OR1L4: variants seen among roughly 807,000 people sequenced by gnomAD.
OR1L4 encodes olfactory receptor 1L4.
In OR1L4, 4 loss-of-function variants were observed where a neutral mutation model predicts 3.5. The ratio of observed to expected loss-of-function variants is 1.15; its 90% CI spans 0.57 to 2.63. The LOEUF (loss-of-function observed/expected upper bound fraction) is 2.63, where lower values mean the gene tolerates loss of function less well. OR1L4 is among the 30% of genes most tolerant of loss of function. The pLI is 0.02. For missense variants in OR1L4, 291 were observed against 378.5 expected (o/e 0.77, Z 1.92); for synonymous variants, 123 against 149.1 (o/e 0.83, Z 1.27).
chr9:122,724,184 C>G lies in OR1L4; in HGVS notation c.195C>G (p.Ser65Arg), dbSNP rs148987153. The G allele has an allele frequency of 6.2e-7, 1 of 1,614,070 alleles. No individual in the cohort carries two copies. The highest frequency in any genetic ancestry group is 1.3e-5 in the African/African-American group (1 of 74,912). ...ACACCCCTATGTACTTTTTTCTCAG[C>G]AACTTGTCTTTCATGGATATCTGCT... The part of the protein sequence containing the change: ...RLHTPMYFFL[S>R]NLSFMDICFT... The change falls in exon 1 of 1, where the codon AGC (serine) becomes AGG (arginine). Residue 65 changes from serine to arginine, a missense_variant. Physicochemically the swap from Ser to Arg is moderately radical, Grantham distance 110. Coordinates refer to ENST00000259466, the MANE Select transcript of OR1L4 (RefSeq NM_001005235.1).
rs540455846 is a variant in OR1L4 at position 122,724,190 on chromosome 9, G to T, written c.201G>T (p.Leu67Phe). ...CTATGTACTTTTTTCTCAGCAACTT[G>T]TCTTTCATGGATATCTGCTTCACAA... Reference protein sequence around the residue: ...HTPMYFFLSNLSFMDICFTTV... With the variant: ...HTPMYFFLSNFSFMDICFTTV... Residue 67 changes from leucine (L) to phenylalanine (F), a missense_variant, in exon 1 of 1, where the codon TTG (leucine) becomes TTT (phenylalanine). Coordinates refer to ENST00000259466, the MANE Select transcript of OR1L4 (RefSeq NM_001005235.1). 13 of 1,614,142 alleles carry T rather than the reference G, an allele frequency of 8.1e-6. No homozygotes were observed. The African/African-American group carries it at 1.5e-4, about 18-fold the overall frequency.
At position 122,724,160 on chromosome 9, in the gene OR1L4, C is replaced by T. The variant is rs759881726; in HGVS notation, c.171C>T (p.His57=). ...CCATCTACTCTGACCCCAGGCTCCA[C>T]ACCCCTATGTACTTTTTTCTCAGCA... The part of the protein sequence containing the change: ...ILAIYSDPRL[H]TPMYFFLSNL... The change falls in exon 1 of 1, where the codon CAC becomes CAT. Residue 57 remains histidine, a synonymous_variant. Coordinates refer to ENST00000259466, the MANE Select transcript of OR1L4 (RefSeq NM_001005235.1). 8.1e-6 allele frequency: 13 copies of T among 1,614,072 alleles called. No individual in the cohort carries two copies. Among genetic ancestry groups the T allele is most frequent in the East Asian group, 2.2e-5 (1 of 44,908 alleles).
Position 122,724,791 on chromosome 9 carries a change from T to C in OR1L4, c.802T>C (p.Ser268Pro), listed in dbSNP as rs752674517. Reference sequence around the variant, plus strand: ...CTATTTTAGGCCTCTGTCCATGTACTCAGTGATGAAGGGCCGGGTAGCCAC... The same window carrying C: ...CTATTTTAGGCCTCTGTCCATGTACCCAGTGATGAAGGGCCGGGTAGCCAC... ...YVYFRPLSMY[S>P]VMKGRVATVM... is the part of the protein sequence containing the mutation. The change falls in exon 1 of 1, where the codon TCA (serine) becomes CCA (proline). Residue 268 changes from serine to proline, a missense_variant. Transcript: ENST00000259466. The C allele has an allele frequency of 1.9e-6, 3 of 1,614,120 alleles. No individual in the cohort carries two copies. Among genetic ancestry groups the C allele is most frequent in the South Asian group, 2.2e-5 (2 of 91,084 alleles).
rs1288432953 is a variant in OR1L4 at position 122,724,712 on chromosome 9, C to T, written c.723C>T (p.Thr241=). Reference sequence around the variant, plus strand: ...CCGGGAAGTGGAAGGCCTTCTCTACCTGTGGCTCCCACCTCACTGTAGTGG... The same window carrying T: ...CCGGGAAGTGGAAGGCCTTCTCTACTTGTGGCTCCCACCTCACTGTAGTGG... ...SAAGKWKAFS[T]CGSHLTVVVL... Residue 241 remains threonine (T), a synonymous_variant, in exon 1 of 1, where the codon ACC becomes ACT. Transcript: ENST00000259466. 1.9e-6 allele frequency: 3 copies of T among 1,614,050 alleles called. No individual in the cohort carries two copies. The Admixed American group carries it at 5.0e-5, about 27-fold the overall frequency.
Position 122,724,691 on chromosome 9 carries a change from G to T in OR1L4, c.702G>T (p.Gly234=). The T allele has an allele frequency of 6.2e-7, 1 of 1,614,110 alleles. No individual in the cohort carries two copies. Among genetic ancestry groups the T allele is most frequent in the Non-Finnish European group, 8.5e-7 (1 of 1,179,954 alleles). ...TGCTCAGAATCCCCTCTGCAGCCGG[G>T]AAGTGGAAGGCCTTCTCTACCTGTG... The part of the protein sequence containing the change: ...VTVLRIPSAA[G]KWKAFSTCGS... Residue 234 remains glycine, a synonymous_variant, in exon 1 of 1, where the codon GGG becomes GGT. Transcript: ENST00000259466.
In OR1L4 at chr9:122,724,683, G is replaced by T; in HGVS notation, c.694G>T (p.Ala232Ser). The T allele has an allele frequency of 6.2e-7, 1 of 1,614,118 alleles. No homozygotes were observed. The highest frequency in any genetic ancestry group is 1.1e-5 in the South Asian group (1 of 91,090). The change falls in exon 1 of 1, where the codon GCA (alanine) becomes TCA (serine). Residue 232 changes from alanine to serine, a missense_variant. By Grantham distance (99) the Ala-to-Ser change is moderately conservative (BLOSUM62 1). Around this residue, in one of 3 missense-constraint regions of OR1L4, gnomAD observed 64 missense variants for 136.8 expected, o/e 0.47. Transcript: ENST00000259466. ...CGTCACTGTGCTCAGAATCCCCTCT[G>T]CAGCCGGGAAGTGGAAGGCCTTCTC... ...IIVTVLRIPS[A>S]AGKWKAFSTC...
rs758653186 is a variant in OR1L4, at chr9:122,724,699, A to C, written c.710A>C (p.Lys237Thr). The C allele has an allele frequency of 4.3e-6, 7 of 1,614,076 alleles. No individual in the cohort carries two copies. The highest frequency in any genetic ancestry group is 5.1e-6 in the Non-Finnish European group (6 of 1,179,930). ...LRIPSAAGKW[K>T]AFSTCGSHLT... is the part of the protein sequence containing the mutation. ...ATCCCCTCTGCAGCCGGGAAGTGGA[A>C]GGCCTTCTCTACCTGTGGCTCCCAC... is the stretch of plus-strand genomic sequence containing the variant. Residue 237 changes from lysine (K) to threonine (T), a missense_variant, in exon 1 of 1, where the codon AAG (lysine) becomes ACG (threonine). Lys to Thr is a moderately conservative substitution (Grantham distance 78). Transcript: ENST00000259466.
Position 122,724,532 on chromosome 9 carries a change from C to T in OR1L4, c.543C>T (p.Asp181=). Residue 181 remains aspartate, a synonymous_variant, in exon 1 of 1, where the codon GAC becomes GAT. Transcript: ENST00000259466. ...ACATCATTAAGCACTTTTTCTGTGACACCCAGCCTGTGCTAAAGCTCTCCT... is the reference window on the plus strand; with the variant it reads ...ACATCATTAAGCACTTTTTCTGTGATACCCAGCCTGTGCTAAAGCTCTCCT... ...ASHIIKHFFC[D]TQPVLKLSCS... is the part of the protein sequence containing the mutation. The T allele has an allele frequency of 2.5e-6, 4 of 1,614,256 alleles. No homozygotes were observed. Among genetic ancestry groups the T allele is most frequent in the Non-Finnish European group, 3.4e-6 (4 of 1,180,050 alleles).
Position 122,724,097 on chromosome 9 carries a change from C to T in OR1L4, c.108C>T (p.Tyr36=). 1 of 1,614,142 alleles carries T rather than the reference C, an allele frequency of 6.2e-7. No homozygotes were observed. The highest frequency in any genetic ancestry group is 8.5e-7 in the Non-Finnish European group (1 of 1,180,030). ...TCTTTGCCATCTTCCTCATCATGTA[C>T]CTACTCACTGCGGTGGGGAATGTGC... ...KPLFAIFLIM[Y]LLTAVGNVLI... is the part of the protein sequence containing the mutation. Residue 36 remains tyrosine (Y), a synonymous_variant, in exon 1 of 1, where the codon TAC becomes TAT. Coordinates refer to ENST00000259466, the MANE Select transcript of OR1L4 (RefSeq NM_001005235.1).
In OR1L4 at chr9:122,724,792, C is replaced by T. The variant is rs1452410872; in HGVS notation, c.803C>T (p.Ser268Leu). Residue 268 changes from serine to leucine, a missense_variant, in exon 1 of 1, where the codon TCA (serine) becomes TTA (leucine). Transcript: ENST00000259466. ...TATTTTAGGCCTCTGTCCATGTACT[C>T]AGTGATGAAGGGCCGGGTAGCCACA... is the stretch of plus-strand genomic sequence containing the variant. ...YVYFRPLSMY[S>L]VMKGRVATVM... The T allele has an allele frequency of 3.1e-6, 5 of 1,614,062 alleles. No homozygotes were observed. The highest frequency in any genetic ancestry group is 3.4e-6 in the Non-Finnish European group (4 of 1,180,012).
rs1828613885 is a variant in OR1L4, at chr9:122,724,039, G to A, written c.50G>A (p.Gly17Asp). The change falls in exon 1 of 1, where the codon GGC (glycine) becomes GAC (aspartate). Residue 17 changes from glycine (G) to aspartate (D), a missense_variant. By Grantham distance (94) the Gly-to-Asp change is moderately conservative (BLOSUM62 -1). This residue lies in a region of OR1L4 where 165 missense variants were observed against 169.9 expected (regional missense o/e 0.97). Transcript: ENST00000259466. ...SSSTSGFILL[G>D]LSSNPKLQKP... ...AGCACCTCAGGCTTCATCCTCCTGG[G>A]CCTCTCTTCCAACCCTAAGCTGCAG... 1 of 1,613,904 alleles carries A rather than the reference G, an allele frequency of 6.2e-7. No individual in the cohort carries two copies. Among genetic ancestry groups the A allele is most frequent in the South Asian group, 1.1e-5 (1 of 91,076 alleles).
At position 122,724,903 on chromosome 9, in the gene OR1L4, T is replaced by C; in HGVS notation, c.914T>C (p.Leu305Ser). The C allele has an allele frequency of 6.2e-7, 1 of 1,606,124 alleles. No homozygotes were observed. The highest frequency in any genetic ancestry group is 8.5e-7 in the Non-Finnish European group (1 of 1,177,068). The change falls in exon 1 of 1, where the codon TTA becomes TCA. Residue 305 changes from leucine to serine, a missense_variant. Around this residue, in one of 3 missense-constraint regions of OR1L4, gnomAD observed 62 missense variants for 71.8 expected, o/e 0.86. Coordinates refer to ENST00000259466, the MANE Select transcript of OR1L4 (RefSeq NM_001005235.1). Reference sequence around the variant, plus strand: ...GATATGAAAAGGGGTTTGAAGAAATTAAGACACAGAATTTACTCATAGAAA... The same window carrying C: ...GATATGAAAAGGGGTTTGAAGAAATCAAGACACAGAATTTACTCATAGAAA... ...NKDMKRGLKK[L>S]RHRIYS
chr9:122,724,891 G>A lies in OR1L4; in HGVS notation c.902G>A (p.Gly301Asp), dbSNP rs1828630791. The change falls in exon 1 of 1, where the codon GGT becomes GAT. Residue 301 changes from glycine to aspartate, a missense_variant. Gly to Asp is a moderately conservative substitution (Grantham distance 94). Around this residue, in one of 3 missense-constraint regions of OR1L4, gnomAD observed 62 missense variants for 71.8 expected, o/e 0.86. Transcript: ENST00000259466. Reference sequence around the variant, plus strand: ...CTGAGGAACAAAGATATGAAAAGGGGTTTGAAGAAATTAAGACACAGAATT... The same window carrying A: ...CTGAGGAACAAAGATATGAAAAGGGATTTGAAGAAATTAAGACACAGAATT... The part of the protein sequence containing the change: ...YSLRNKDMKR[G>D]LKKLRHRIYS The A allele has an allele frequency of 3.1e-6, 5 of 1,609,322 alleles. No homozygotes were observed. The highest frequency in any genetic ancestry group is 4.2e-6 in the Non-Finnish European group (5 of 1,178,542).
At position 122,724,404 on chromosome 9, in the gene OR1L4, C is replaced by T. The variant is rs780492282; in HGVS notation, c.415C>T (p.Pro139Ser). 1.9e-6 allele frequency: 3 copies of T among 1,614,232 alleles called. No individual in the cohort carries two copies. Among genetic ancestry groups the T allele is most frequent in the East Asian group, 2.2e-5 (1 of 44,888 alleles). Residue 139 changes from proline to serine, a missense_variant, in exon 1 of 1, where the codon CCA becomes TCA. Physicochemically the swap from Pro to Ser is moderately conservative, Grantham distance 74 (BLOSUM62 -1). Coordinates refer to ENST00000259466, the MANE Select transcript of OR1L4 (RefSeq NM_001005235.1). ...NPLHYDVVMKPWHCLLMLLGS... is the reference protein window; with the variant it reads ...NPLHYDVVMKSWHCLLMLLGS... ...CTTACACTATGATGTGGTTATGAAA[C>T]CATGGCATTGCCTACTCATGCTATT...
chr9:122,724,069 C>A lies in OR1L4; in HGVS notation c.80C>A (p.Pro27His). Reference sequence around the variant, plus strand: ...TCTTCCAACCCTAAGCTGCAGAAACCTCTCTTTGCCATCTTCCTCATCATG... The same window carrying A: ...TCTTCCAACCCTAAGCTGCAGAAACATCTCTTTGCCATCTTCCTCATCATG... ...GLSSNPKLQK[P>H]LFAIFLIMYL... is the part of the protein sequence containing the mutation. Residue 27 changes from proline (P) to histidine (H), a missense_variant, in exon 1 of 1, where the codon CCT (proline) becomes CAT (histidine). By Grantham distance (77) the Pro-to-His change is moderately conservative. Around this residue, in one of 3 missense-constraint regions of OR1L4, gnomAD observed 165 missense variants for 169.9 expected, o/e 0.97. Transcript: ENST00000259466. The A allele has an allele frequency of 1.2e-6, 2 of 1,614,162 alleles. No homozygotes were observed. Among genetic ancestry groups the A allele is most frequent in the Non-Finnish European group, 1.7e-6 (2 of 1,180,024 alleles).
In OR1L4 at chr9:122,724,748, T is replaced by C. The variant is rs151279225; in HGVS notation, c.759T>C (p.Tyr253=). 1.1e-4 allele frequency: 173 copies of C among 1,614,124 alleles called. No individual in the cohort carries two copies. In the African/African-American group the frequency reaches 1.9e-3, roughly 18 times the overall value. Reference sequence around the variant, plus strand: ...ACCTCACTGTAGTGGTCCTGTTCTATGGGAGTGTCATCTATGTCTATTTTA... The same window carrying C: ...ACCTCACTGTAGTGGTCCTGTTCTACGGGAGTGTCATCTATGTCTATTTTA... ...GSHLTVVVLF[Y]GSVIYVYFRP... The change falls in exon 1 of 1, where the codon TAT becomes TAC. Residue 253 remains tyrosine (Y), a synonymous_variant. Coordinates refer to ENST00000259466, the MANE Select transcript of OR1L4 (RefSeq NM_001005235.1).
Position 122,724,467 on chromosome 9 carries a change from C to T in OR1L4, c.478C>T (p.Arg160Cys), listed in dbSNP as rs149512495. 6.4e-5 allele frequency: 104 copies of T among 1,614,130 alleles called. No homozygotes were observed. Among genetic ancestry groups the T allele is most frequent in the African/African-American group, 2.5e-4 (19 of 74,946 alleles). The change falls in exon 1 of 1, where the codon CGC becomes TGC. Residue 160 changes from arginine to cysteine, a missense_variant. This residue lies in a region of OR1L4 where 64 missense variants were observed against 136.8 expected (regional missense o/e 0.47). Coordinates refer to ENST00000259466, the MANE Select transcript of OR1L4 (RefSeq NM_001005235.1). ...CSISHLHSLF[R>C]VLLMSRLSFC... ...CATCTCCCACCTACATTCCCTGTTC[C>T]GCGTGCTACTTATGTCTCGCTTGTC... is the stretch of plus-strand genomic sequence containing the variant.
chr9:122,724,864 G>A lies in OR1L4; in HGVS notation c.875G>A (p.Ser292Asn), dbSNP rs1828630548. ...CCCATGCTGAACCCTTTCATCTACA[G>A]CCTGAGGAACAAAGATATGAAAAGG... ...VTPMLNPFIY[S>N]LRNKDMKRGL... Residue 292 changes from serine (S) to asparagine (N), a missense_variant, in exon 1 of 1, where the codon AGC (serine) becomes AAC (asparagine). Coordinates refer to ENST00000259466, the MANE Select transcript of OR1L4 (RefSeq NM_001005235.1). 2 of 1,613,644 alleles carry A rather than the reference G, an allele frequency of 1.2e-6. No homozygotes were observed. Among genetic ancestry groups the A allele is most frequent in the Non-Finnish European group, 1.7e-6 (2 of 1,179,934 alleles).
Position 122,724,167 on chromosome 9 carries a change from A to G in OR1L4, c.178A>G (p.Met60Val), listed in dbSNP as rs41316502. Reference sequence around the variant, plus strand: ...CTCTGACCCCAGGCTCCACACCCCTATGTACTTTTTTCTCAGCAACTTGTC... The same window carrying G: ...CTCTGACCCCAGGCTCCACACCCCTGTGTACTTTTTTCTCAGCAACTTGTC... ...IYSDPRLHTP[M>V]YFFLSNLSFM... Residue 60 changes from methionine to valine, a missense_variant, in exon 1 of 1, where the codon ATG (methionine) becomes GTG (valine). Coordinates refer to ENST00000259466, the MANE Select transcript of OR1L4 (RefSeq NM_001005235.1). The G allele has an allele frequency of 4.3e-6, 7 of 1,614,094 alleles. No homozygotes were observed. The highest frequency in any genetic ancestry group is 4.2e-6 in the Non-Finnish European group (5 of 1,180,018).
Sources: allele counts gnomAD v4.1 joint callset, GRCh38; gene constraint gnomAD v4.1.1; regional missense constraint gnomAD v4.1.1; transcripts MANE v1.5; gene names NCBI Gene and HGNC (gene_info 2026-07-23, HGNC 2026-07-21).